Variants in CACNA1C observed in about 807,000 individuals in gnomAD.
CACNA1C encodes voltage-dependent L-type calcium channel subunit alpha-1C.
Under a neutral mutation model 229.0 loss-of-function variants are expected in CACNA1C, and 30 were observed. The ratio of observed to expected loss-of-function variants is 0.13; its 90% CI spans 0.10 to 0.18. CACNA1C has a LOEUF of 0.18. CACNA1C is among the 10% of genes least tolerant of loss of function. The pLI is 1.00. For missense variants in CACNA1C, 1,658 were observed against 2,845.0 expected (o/e 0.58, Z 9.49); for synonymous variants, 1,114 against 1,132.5 (o/e 0.98, Z 0.33).
At chr12:2,634,112 A>G (rs2091814417) in intron 29 of CACNA1C, among the ~76,000 whole-genome samples, 185 bp from the exon 30 acceptor site, 1 of 151,718 alleles carries the variant, frequency 6.6e-6, no homozygotes, top group Admixed American at 6.6e-5. Context: ...CCAGAACTGT[A>G]GAGTGGTAAG....
rs1258646732 is a variant in CACNA1C, at chr12:2,566,352, C to T, written c.1509-70C>T. On this transcript the variant is annotated intron_variant, in intron 11 of 46. Coordinates refer to ENST00000399655, the MANE Select transcript of CACNA1C (RefSeq NM_000719.7). The surrounding 1 kb of genome is among the most constrained non-coding windows in gnomAD (Gnocchi z 4.0). The stretch of plus-strand genomic sequence containing the variant: ...GTGAGGGGCGAGAAGAGCCATGGTG[C>T]TGCATCTTGGGTTGGAGGAAACCTG... 1.5e-6 allele frequency: 2 copies of T among 1,375,662 alleles called. No homozygotes were observed. The highest frequency in any genetic ancestry group is 2.0e-6 in the Non-Finnish European group (2 of 1,005,648). 85.2% of individuals were successfully genotyped at this position (1,375,662 alleles called of 1,614,324 possible).
chr12:2,466,634 G>A (rs1404712948), intron 5 of CACNA1C, among the ~76,000 whole-genome samples: 1 of 152,180 alleles, frequency 6.6e-6, no homozygotes, highest in Non-Finnish European at 1.5e-5. Flanking sequence ...TAACACTGAA[G>A]TACCCACAGG....
intron 5 of CACNA1C, among the ~76,000 whole-genome samples, chr12:2,460,294 C>T (rs1332756985): frequency 1.3e-5 from 2 of 152,232 alleles, no homozygotes; most frequent in African/African-American, 4.8e-5. Context: ...AAGCGAGTCA[C>T]ATGGCCACCC....
intron 3 of CACNA1C, among the ~76,000 whole-genome samples, chr12:2,198,244 A>C (rs1458303592): frequency 1.3e-5 from 2 of 152,166 alleles, no homozygotes; most frequent in African/African-American, 4.8e-5. Context: ...ATCTGGCAGC[A>C]TCTTCTGCAG....
At chr12:2,351,589 C>T (rs1020450914) in intron 3 of CACNA1C, among the ~76,000 whole-genome samples, 2 of 152,166 alleles carry the variant, frequency 1.3e-5, no homozygotes, top group Non-Finnish European at 2.9e-5. Flanking sequence ...CCTTAGGGTC[C>T]AGGGCGTGGC....
rs2094706688 is a variant in CACNA1C, at chr12:2,649,540, T to G, written c.3945+1033T>G. Among the ~76,000 whole-genome samples, 1 of 152,184 alleles carries G rather than the reference T, an allele frequency of 6.6e-6. No homozygotes were observed. Among genetic ancestry groups the G allele is most frequent in the Admixed American group, 6.5e-5 (1 of 15,284 alleles). On this transcript the variant is annotated intron_variant, in intron 31 of 46. Coordinates refer to ENST00000399655, the MANE Select transcript of CACNA1C (RefSeq NM_000719.7). This position sits in a 1 kb window ranked among gnomAD's most constrained non-coding sequence, Gnocchi z 4.4. ...CTCCTTTTTGCATTGTTATTTGGTT[T>G]ATTAGAGCAAATTGGTGCATCCGAA... is the stretch of plus-strand genomic sequence containing the variant.
intron 3 of CACNA1C, among the ~76,000 whole-genome samples, chr12:2,383,043 G>C (rs761561409): frequency 3.3e-5 from 5 of 152,168 alleles, no homozygotes; most frequent in Non-Finnish European, 5.9e-5. Context: ...GAACTAGTTT[G>C]TAATCCTGGA....
intron 1 of CACNA1C, among the ~76,000 whole-genome samples, chr12:2,097,503 A>C (rs1356151090): frequency 6.6e-6 from 1 of 152,156 alleles, no homozygotes; most frequent in Non-Finnish European, 1.5e-5. Flanking sequence ...GCACCATTTT[A>C]CATTCCCCAC....
Position 2,691,028 on chromosome 12 carries a change from C to T in CACNA1C, c.6246C>T (p.Leu2082=). The T allele has an allele frequency of 6.2e-7, 1 of 1,602,428 alleles. No homozygotes were observed. The highest frequency in any genetic ancestry group is 8.5e-7 in the Non-Finnish European group (1 of 1,174,716). Residue 2082 remains leucine (L), a synonymous_variant, in exon 47 of 47, where the codon CTC becomes CTT. Coordinates refer to ENST00000399655, the MANE Select transcript of CACNA1C (RefSeq NM_000719.7). The part of the protein sequence containing the change: ...EEMESAADNI[L]SGGAPQSPNG... ...TGGAGAGCGCGGCCGACAACATCCT[C>T]AGCGGGGGCGCCCCACAGAGCCCCA...
rs185177737 is a variant in CACNA1C, at chr12:2,205,896, C to T, written c.477+85466C>T. Among the ~76,000 whole-genome samples, 183 of 152,194 alleles carry T rather than the reference C, an allele frequency of 1.2e-3. 1 individual carries two copies. Among genetic ancestry groups the T allele is most frequent in the Non-Finnish European group, 2.0e-3 (139 of 68,010 alleles). On this transcript the variant is annotated intron_variant, in intron 3 of 46. Transcript: ENST00000399655. Reference sequence around the variant, plus strand: ...CTGTGTCCTCATATAGTGGAAGGGGCGAGGGAGCTCTCTGGAGTCTCTAAG... The same window carrying T: ...CTGTGTCCTCATATAGTGGAAGGGGTGAGGGAGCTCTCTGGAGTCTCTAAG...
chr12:2,281,056 C>CACCCAGT lies in CACNA1C; in HGVS notation c.477+160628_477+160634dup, dbSNP rs1037275416. ...ATACATGTGCCATGTTGGTGTGCTGCACCCAGTAACTCGTCATTTAACATG... is the reference window on the plus strand; with the variant it reads ...ATACATGTGCCATGTTGGTGTGCTGCACCCAGTACCCAGTAACTCGTCATTTAACATG... On this transcript the variant is annotated intron_variant, in intron 3 of 46. Coordinates refer to ENST00000399655, the MANE Select transcript of CACNA1C (RefSeq NM_000719.7). Among the ~76,000 whole-genome samples the CACCCAGT allele has an allele frequency of 7.6e-4, 116 of 152,124 alleles. 1 individual carries two copies. The highest frequency in any genetic ancestry group is 2.7e-3 in the African/African-American group (114 of 41,518).
At chr12:2,218,900 C>T (rs140192121) in intron 3 of CACNA1C, among the ~76,000 whole-genome samples, 2 of 152,030 alleles carry the variant, frequency 1.3e-5, no homozygotes, top group Admixed American at 6.6e-5. Context: ...TCACTGTATG[C>T]GTTGAATCTG....
At chr12:2,690,688 C>A (rs2097769555) in intron 46 of CACNA1C, 6 of 532,188 alleles carry the variant, frequency 1.1e-5, no homozygotes, top group East Asian at 6.0e-5. Flanking sequence ...GCCAAAACTT[C>A]TCTGGCCTGC....
chr12:2,330,786 G>A (rs1206745869), intron 3 of CACNA1C, among the ~76,000 whole-genome samples: 1 of 152,134 alleles, frequency 6.6e-6, no homozygotes, highest in Non-Finnish European at 1.5e-5. Flanking sequence ...TAGCTGCTTG[G>A]AAAAAATATC....
intron 4 of CACNA1C, among the ~76,000 whole-genome samples, chr12:2,454,020 A>G (rs1307032277): frequency 6.6e-6 from 1 of 152,140 alleles, no homozygotes; most frequent in African/African-American, 2.4e-5. Flanking sequence ...TGCCAGGTCT[A>G]AGGGGGCCCT....
chr12:2,561,184 G>A (rs1436731927), intron 11 of CACNA1C, among the ~76,000 whole-genome samples: 4 of 152,202 alleles, frequency 2.6e-5, no homozygotes, highest in Non-Finnish European at 4.4e-5. Context: ...GACACAACCC[G>A]ATTCCTTCGT....
chr12:2,316,395 T>C (rs1274862345), intron 3 of CACNA1C, among the ~76,000 whole-genome samples: 1 of 152,210 alleles, frequency 6.6e-6, no homozygotes, highest in Non-Finnish European at 1.5e-5. Context: ...GTGGTAAACG[T>C]TCAAGAGTGT....
chr12:2,525,944 CAGAGAATCTGCTCAA>C lies in CACNA1C; in HGVS notation c.1390+12965_1390+12979del, dbSNP rs1196964633. Among the ~76,000 whole-genome samples the C allele has an allele frequency of 2.0e-5, 3 of 152,316 alleles. No individual in the cohort carries two copies. In the East Asian group the frequency reaches 5.8e-4, roughly 29 times the overall value. ...AGAACTGAAGCCTTGCCAGAAACAACAGAGAATCTGCTCAAAGAGTTGCCTAATGAAAAGGGTGGT... is the reference window on the plus strand; with the variant it reads ...AGAACTGAAGCCTTGCCAGAAACAACAGAGTTGCCTAATGAAAAGGGTGGT... On this transcript the variant is annotated intron_variant, in intron 9 of 46. Coordinates refer to ENST00000399655, the MANE Select transcript of CACNA1C (RefSeq NM_000719.7).
chr12:2,496,835 C>T lies in CACNA1C; in HGVS notation c.1113+3449C>T, dbSNP rs142074745. ...CCGGGGATTTGGAAATGAAACAAAA[C>T]TCGGGTTTGGTGTATAGTTTCCTTA... On this transcript the variant is annotated intron_variant, in intron 7 of 46. Coordinates refer to ENST00000399655, the MANE Select transcript of CACNA1C (RefSeq NM_000719.7). Among the ~76,000 whole-genome samples the T allele has an allele frequency of 7.3e-3, 1,110 of 152,252 alleles. 8 individuals are homozygous for T. The highest frequency in any genetic ancestry group is 0.011 in the Non-Finnish European group (775 of 67,994).
Sources: gnomAD v4.1 joint callset for allele counts (sites outside exome capture counted in the v4.1 genomes callset) on GRCh38, gnomAD v4.1.1 for gene constraint, Gnocchi (gnomAD v3.1) non-coding constraint, MANE v1.5 for transcripts, NCBI Gene and HGNC (gene_info 2026-07-23, HGNC 2026-07-21) for gene names.